Variants in SPEF2 observed in about 807,000 individuals in gnomAD.
SPEF2 encodes the protein sperm flagellar and cilia associated 2.
Under a neutral mutation model 224.6 loss-of-function variants are expected in SPEF2, and 187 were observed. The observed-to-expected ratio is 0.83, with a 90% CI of 0.74 to 0.94. SPEF2 has a LOEUF of 0.94. Ranked by LOEUF, SPEF2 falls within the 40% of genes least tolerant of loss-of-function variation. The pLI is 0.00. For synonymous variants in SPEF2, 715 were observed against 707.3 expected (o/e 1.01, Z -0.17); for missense variants, 2,170 against 2,135.6 (o/e 1.02, Z -0.32).
chr5:35,751,010 TAC>T (rs1561304604), intron 23 of SPEF2, among the ~76,000 whole-genome samples: 1 of 119,078 alleles, frequency 8.4e-6, no homozygotes, highest in Admixed American at 8.7e-5. Flanking sequence ...TATATATATA[TAC>T]GTATATATAT....
At chr5:35,749,032 CACAAGTCAAT>C (rs1370762155) in intron 23 of SPEF2, among the ~76,000 whole-genome samples, 1 of 151,990 alleles carries the variant, frequency 6.6e-6, no homozygotes, top group Non-Finnish European at 1.5e-5. Context: ...GTTTAACATA[CACAAGTCAAT>C]AAATGTGATA....
intron 8 of SPEF2, 66 bp downstream of exon 8, chr5:35,659,273 A>T (rs1285773609): frequency 6.9e-7 from 1 of 1,441,644 alleles, no homozygotes; most frequent in Non-Finnish European, 9.3e-7. Context: ...AAGTCGTGGT[A>T]AACAAAGCTA....
chr5:35,814,586 A>G lies in SPEF2; in HGVS notation c.*33A>G. On this transcript the variant is annotated 3_prime_UTR_variant, in exon 37 of 37. Coordinates refer to ENST00000356031, the MANE Select transcript of SPEF2 (RefSeq NM_024867.4). ...AGAGTGTGATTTTTTTAATTCTGCA[A>G]TAAATCTTCCAAAAATTAAATGTGA... 7.0e-7 allele frequency: 1 copy of G among 1,420,836 alleles called. No individual in the cohort carries two copies. Among genetic ancestry groups the G allele is most frequent in the Non-Finnish European group, 9.8e-7 (1 of 1,024,082 alleles). The allele number at this position is 1,420,836 out of a possible 1,614,324, so 88.0% of individuals were successfully genotyped here. A position where few individuals can be genotyped will look rare whatever the true frequency, so the allele number is the denominator to read the frequency against.
chr5:35,629,177 T>G (rs1020629608), intron 2 of SPEF2, among the ~76,000 whole-genome samples: 91 of 139,932 alleles, frequency 6.5e-4, no homozygotes, highest in African/African-American at 2.2e-3. Flanking sequence ...TTTTTTTTTT[T>G]GAGACTTGCT....
chr5:35,692,182 G>C (rs1301414706), intron 11 of SPEF2, among the ~76,000 whole-genome samples: 1 of 152,032 alleles, frequency 6.6e-6, no homozygotes, highest in Non-Finnish European at 1.5e-5. Flanking sequence ...AGGCCGAGAC[G>C]GGTGGATCAC....
At chr5:35,667,826 A>T (rs1224232427) in intron 9 of SPEF2, among the ~76,000 whole-genome samples, 6 of 152,168 alleles carry the variant, frequency 3.9e-5, no homozygotes, top group Non-Finnish European at 2.9e-5. Flanking sequence ...ACAATAAAAA[A>T]TAAGCCAGTT....
intron 21 of SPEF2, among the ~76,000 whole-genome samples, chr5:35,735,685 A>G (rs1014239524): frequency 6.6e-6 from 1 of 152,262 alleles, no homozygotes; most frequent in Non-Finnish European, 1.5e-5. Flanking sequence ...TAATGAGTAC[A>G]GCAAGAATAT....
intron 23 of SPEF2, among the ~76,000 whole-genome samples, chr5:35,745,815 C>T (rs1748433958): frequency 1.3e-5 from 2 of 152,236 alleles, no homozygotes; most frequent in African/African-American, 4.8e-5. Context: ...CTCCACGCTA[C>T]TACAGCTGAT....
chr5:35,640,025 C>G (rs1291352361), intron 2 of SPEF2, among the ~76,000 whole-genome samples: 1 of 152,044 alleles, frequency 6.6e-6, no homozygotes, highest in Admixed American at 6.6e-5. Context: ...ATTGTTAGAC[C>G]TGTGTACTTT....
intron 30 of SPEF2, among the ~76,000 whole-genome samples, chr5:35,783,031 A>G (rs899203957): frequency 5.3e-5 from 8 of 152,228 alleles, no homozygotes; most frequent in African/African-American, 1.9e-4. Context: ...ACAAAGATCC[A>G]TACTTTAGAA....
chr5:35,809,101 G>A (rs1758384147), intron 36 of SPEF2, among the ~76,000 whole-genome samples: 1 of 151,942 alleles, frequency 6.6e-6, no homozygotes, highest in East Asian at 1.9e-4. Context: ...TCAAAGGGTG[G>A]TGGTGAGGAT....
intron 2 of SPEF2, among the ~76,000 whole-genome samples, chr5:35,629,359 G>C (rs366709): frequency 6.6e-6 from 1 of 151,088 alleles, no homozygotes; most frequent in Non-Finnish European, 1.5e-5. Context: ...AGGTTTCACC[G>C]TGTTAGCCAG....
At chr5:35,696,518 A>G (rs1444862922) in intron 14 of SPEF2, among the ~76,000 whole-genome samples, 1 of 152,196 alleles carries the variant, frequency 6.6e-6, no homozygotes, top group Non-Finnish European at 1.5e-5. Context: ...TATGTTTTAT[A>G]TTTACATCTA....
At chr5:35,807,842 C>T in intron 36 of SPEF2, 1 of 1,517,240 alleles carries the variant, frequency 6.6e-7, no homozygotes, top group Non-Finnish European at 8.8e-7. Flanking sequence ...AATGTGCATC[C>T]ACTATGGCGA....
chr5:35,781,386 G>T (rs901935772), intron 30 of SPEF2: 1 of 152,146 alleles, frequency 6.6e-6, no homozygotes, highest in Admixed American at 6.5e-5. Context: ...AATTGAAGAG[G>T]GTAAAGAGAT....
At chr5:35,667,397 A>G (rs1750632122) in intron 9 of SPEF2, 138 bp downstream of exon 9, 2 of 699,148 alleles carry the variant, frequency 2.9e-6, no homozygotes, top group Admixed American at 7.7e-5. Context: ...GGTCCAGGAG[A>G]CCTTGATTAC....
chr5:35,709,730 A>C, intron 19 of SPEF2: 3 of 985,380 alleles, frequency 3.0e-6, no homozygotes, highest in Non-Finnish European at 3.6e-6. Flanking sequence ...ATGGACCATA[A>C]GTCTAGCATT....
chr5:35,789,549 T>G (rs1198857470), intron 30 of SPEF2: 3 of 655,626 alleles, frequency 4.6e-6, no homozygotes, highest in Non-Finnish European at 5.5e-6. Context: ...TCATGGTAAC[T>G]GCCTCAGAGG....
intron 23 of SPEF2, among the ~76,000 whole-genome samples, chr5:35,751,619 AT>A (rs1448356531): frequency 1.3e-5 from 2 of 152,200 alleles, no homozygotes; most frequent in African/African-American, 4.8e-5. Context: ...GATACTTAGC[AT>A]ATGGCAATAA....
Sources: gnomAD v4.1 joint callset for allele counts (sites outside exome capture counted in the v4.1 genomes callset) on GRCh38, gnomAD v4.1.1 for gene constraint, MANE v1.5 for transcripts, NCBI Gene and HGNC (gene_info 2026-07-23, HGNC 2026-07-21) for gene names.